Variants in RALYL observed in about 807,000 individuals in gnomAD.
The protein encoded by RALYL is RNA-binding Raly-like protein.
In RALYL, 29 loss-of-function variants were observed where a neutral mutation model predicts 35.1. That is an observed-to-expected ratio of 0.83 (90% CI 0.61 to 1.13). The LOEUF (loss-of-function observed/expected upper bound fraction) is 1.13, where lower values mean the gene tolerates loss of function less well. Ranked by LOEUF, RALYL falls within the 50% of genes most tolerant of loss-of-function variation. The pLI, the probability that RALYL is intolerant of heterozygous loss-of-function variation, is 0.00. For synonymous variants in RALYL, 120 were observed against 127.6 expected (o/e 0.94, Z 0.40); for missense variants, 359 against 360.4 (o/e 1.00, Z 0.03).
intron 1 of RALYL, among the ~76,000 whole-genome samples, chr8:84,462,381 C>G (rs1300233277): frequency 6.6e-6 from 1 of 151,046 alleles, no homozygotes; most frequent in Non-Finnish European, 1.5e-5. Context: ...TCGTTTCTTC[C>G]TAATCTGACT....
chr8:84,313,285 G>A (rs1012819134), intron 1 of RALYL, among the ~76,000 whole-genome samples: 2 of 152,166 alleles, frequency 1.3e-5, no homozygotes, highest in African/African-American at 4.8e-5. Flanking sequence ...GATGGGAGGG[G>A]CTGTCTCAAA....
At chr8:84,855,289 A>G (rs1174576825) in intron 5 of RALYL, among the ~76,000 whole-genome samples, 1 of 152,176 alleles carries the variant, frequency 6.6e-6, no homozygotes, top group Non-Finnish European at 1.5e-5. Flanking sequence ...TAGGTCTGAA[A>G]CCAAGAAACA....
At chr8:84,870,871 A>G (rs944220945) in intron 6 of RALYL, among the ~76,000 whole-genome samples, 1 of 152,138 alleles carries the variant, frequency 6.6e-6, no homozygotes, top group Non-Finnish European at 1.5e-5. Context: ...GGTAAGGGGC[A>G]AGCCTTTTCC....
chr8:84,189,870 C>T lies in RALYL; in HGVS notation c.-24+5446C>T, dbSNP rs557340713. 6.6e-4 allele frequency among the ~76,000 whole-genome samples: 101 copies of T among 152,260 alleles called. 1 individual carries two copies. In the South Asian group the frequency reaches 0.017, roughly 26 times the overall value. Reference sequence around the variant, plus strand: ...TTTGAGCAGAAACAAAAGAATATTGCCCCACACAGATACTCTTAACTGGTC... The same window carrying T: ...TTTGAGCAGAAACAAAAGAATATTGTCCCACACAGATACTCTTAACTGGTC... On this transcript the variant is annotated intron_variant, in intron 1 of 8. Coordinates refer to ENST00000521268, the MANE Select transcript of RALYL (RefSeq NM_173848.7).
chr8:84,610,268 C>T (rs1028576971), intron 2 of RALYL, among the ~76,000 whole-genome samples: 2 of 152,032 alleles, frequency 1.3e-5, no homozygotes, highest in African/African-American at 2.4e-5. Context: ...TGCTTGACTG[C>T]TTGACTCCCA....
chr8:84,850,571 A>G (rs143981380), intron 5 of RALYL, among the ~76,000 whole-genome samples: 41 of 152,332 alleles, frequency 2.7e-4, no homozygotes, highest in African/African-American at 8.7e-4. Context: ...AACAACTTTT[A>G]TTCTCTTCTC....
At chr8:84,668,261 A>G in intron 2 of RALYL, among the ~76,000 whole-genome samples, 1 of 152,142 alleles carries the variant, frequency 6.6e-6, no homozygotes, top group East Asian at 1.9e-4. Context: ...AGGTTATTTC[A>G]ATAGAGTGAT....
intron 1 of RALYL, among the ~76,000 whole-genome samples, chr8:84,478,813 G>A (rs2053700523): frequency 1.3e-5 from 2 of 151,480 alleles, no homozygotes; most frequent in African/African-American, 4.8e-5. Context: ...CAGGCTGGGC[G>A]CAGTGGCTCA....
intron 2 of RALYL, among the ~76,000 whole-genome samples, chr8:84,692,514 T>C (rs1316639903): frequency 6.6e-6 from 1 of 152,024 alleles, no homozygotes; most frequent in Non-Finnish European, 1.5e-5. Context: ...GCAAAACCTG[T>C]TCATGGATTT....
At chr8:84,256,021 T>C (rs536445255) in intron 1 of RALYL, among the ~76,000 whole-genome samples, 12 of 152,268 alleles carry the variant, frequency 7.9e-5, no homozygotes, top group East Asian at 3.9e-4. Context: ...ATCTGGGTGA[T>C]TGTAAAATAA....
intron 1 of RALYL, among the ~76,000 whole-genome samples, chr8:84,242,305 G>A (rs908241238): frequency 6.6e-6 from 1 of 151,852 alleles, no homozygotes; most frequent in Non-Finnish European, 1.5e-5. Flanking sequence ...TAGTGCTGCA[G>A]TATACATGTG....
chr8:84,783,858 T>C lies in RALYL; in HGVS notation c.332+9204T>C, dbSNP rs368603308. Among the ~76,000 whole-genome samples the C allele has an allele frequency of 2.5e-3, 385 of 152,312 alleles. 1 individual carries two copies. The highest frequency in any genetic ancestry group is 0.01 in the Middle Eastern group (3 of 294). On this transcript the variant is annotated intron_variant, in intron 3 of 8. Coordinates refer to ENST00000521268, the MANE Select transcript of RALYL (RefSeq NM_173848.7). ...AATTAAGCCACCTGTTTTTAATTTGTATTTGTCCTTGGAAGCACAAGGAAG... is the reference window on the plus strand; with the variant it reads ...AATTAAGCCACCTGTTTTTAATTTGCATTTGTCCTTGGAAGCACAAGGAAG...
At chr8:84,445,362 A>G (rs1281422397) in intron 1 of RALYL, among the ~76,000 whole-genome samples, 1 of 151,976 alleles carries the variant, frequency 6.6e-6, no homozygotes, top group Non-Finnish European at 1.5e-5. Flanking sequence ...CATCCACTCA[A>G]TAGTGGTTCT....
rs184374992 is a variant in RALYL at position 84,893,473 on chromosome 8, A to G, written c.858+5697A>G. 4.2e-3 allele frequency among the ~76,000 whole-genome samples: 635 copies of G among 152,324 alleles called. 4 individuals are homozygous for G. Among genetic ancestry groups the G allele is most frequent in the Non-Finnish European group, 6.9e-3 (472 of 68,020 alleles). ...TGGCCTTTGCCATAATGGAAATACTATAGGAAAGCTAGTGCTTAACACAGT... is the reference window on the plus strand; with the variant it reads ...TGGCCTTTGCCATAATGGAAATACTGTAGGAAAGCTAGTGCTTAACACAGT... On this transcript the variant is annotated intron_variant, in intron 8 of 8. Coordinates refer to ENST00000521268, the MANE Select transcript of RALYL (RefSeq NM_173848.7).
intron 2 of RALYL, among the ~76,000 whole-genome samples, chr8:84,598,794 A>G (rs1383346740): frequency 6.6e-6 from 1 of 152,158 alleles, no homozygotes; most frequent in Non-Finnish European, 1.5e-5. Flanking sequence ...ATAGGAGTGC[A>G]GGTATCTCTT....
intron 1 of RALYL, among the ~76,000 whole-genome samples, chr8:84,392,383 T>G (rs76106307): frequency 0.011 from 1,701 of 152,098 alleles, 32 homozygotes; most frequent in Admixed American, 0.056. Flanking sequence ...GATAAAGTAT[T>G]CATTTGTAAA....
At chr8:84,217,837 C>G (rs1821190548) in intron 1 of RALYL, among the ~76,000 whole-genome samples, 1 of 151,970 alleles carries the variant, frequency 6.6e-6, no homozygotes, top group Non-Finnish European at 1.5e-5. Flanking sequence ...ATAGAATTTC[C>G]CACAAACTAG....
intron 8 of RALYL, among the ~76,000 whole-genome samples, chr8:84,891,955 A>G (rs1288258667): frequency 6.6e-6 from 1 of 152,216 alleles, no homozygotes; most frequent in Non-Finnish European, 1.5e-5. Context: ...TTGGCTGCTC[A>G]AGGCAAATCC....
intron 7 of RALYL, among the ~76,000 whole-genome samples, chr8:84,886,881 T>TTCTC (rs1399544507): frequency 6.6e-6 from 1 of 152,188 alleles, no homozygotes; most frequent in Admixed American, 6.5e-5. Context: ...AGGAAATAGT[T>TTCTC]GTCCTTATTG....
Sources: gnomAD v4.1 joint callset for allele counts (sites outside exome capture counted in the v4.1 genomes callset) on GRCh38, gnomAD v4.1.1 for gene constraint, MANE v1.5 for transcripts, NCBI Gene and HGNC (gene_info 2026-07-23, HGNC 2026-07-21) for gene names.